The following CFAP54 variants were observed in gnomAD, a reference collection of about 807,000 sequenced individuals.
CFAP54 encodes the protein cilia- and flagella-associated protein 54.
CFAP54 carries 290 observed loss-of-function variants against 370.4 expected under a neutral mutation model. That is an observed-to-expected ratio of 0.78 (90% CI 0.71 to 0.86). The LOEUF (loss-of-function observed/expected upper bound fraction) is 0.86, where lower values mean the gene tolerates loss of function less well. CFAP54 is among the 40% of genes least tolerant of loss of function. The pLI, the probability that CFAP54 is intolerant of heterozygous loss-of-function variation, is 0.00. For synonymous variants in CFAP54, 1,206 were observed against 1,236.5 expected (o/e 0.98, Z 0.52); for missense variants, 3,399 against 3,528.7 (o/e 0.96, Z 0.93).
intron 39 of CFAP54, among the ~76,000 whole-genome samples, chr12:96,671,458 G>A (rs1005008007): frequency 6.6e-5 from 10 of 152,048 alleles, no homozygotes; most frequent in Non-Finnish European, 1.3e-4. Context: ...ATGAGGGCAG[G>A]GATTATTGTT....
At chr12:96,848,205 T>G (rs767339461) in intron 66 of CFAP54, among the ~76,000 whole-genome samples, 5 of 151,938 alleles carry the variant, frequency 3.3e-5, no homozygotes, top group Non-Finnish European at 5.9e-5. Context: ...GCCTCCCGAG[T>G]AGTTGGCATT....
intron 26 of CFAP54, among the ~76,000 whole-genome samples, chr12:96,603,534 A>G (rs1956266512): frequency 6.6e-6 from 1 of 152,216 alleles, no homozygotes; most frequent in African/African-American, 2.4e-5. Flanking sequence ...TCTCCTGGAT[A>G]ATATCCTGCA....
Position 96,786,878 on chromosome 12 carries a change from TTACG to T in CFAP54, c.8661_8664del (p.Arg2888AsnfsTer29). The T allele has an allele frequency of 6.5e-7, 1 of 1,532,508 alleles. No individual in the cohort carries two copies. Among genetic ancestry groups the T allele is most frequent in the East Asian group, 2.4e-5 (1 of 40,874 alleles). 94.9% of individuals were successfully genotyped at this position (1,532,508 alleles called of 1,614,324 possible). ...AAATCCCCCTCTTTCAGAAAAAGACTTACGTGAATCATCTGCCAAGGTAACGTTT... is the reference window on the plus strand; with the variant it reads ...AAATCCCCCTCTTTCAGAAAAAGACTTGAATCATCTGCCAAGGTAACGTTT... On this transcript the variant is annotated frameshift_variant, in exon 62 of 68. Coordinates refer to ENST00000524981, the MANE Select transcript of CFAP54 (RefSeq NM_001306084.2). LOFTEE classifies it high-confidence loss of function.
chr12:96,669,093 C>T (rs1001303649), intron 39 of CFAP54, among the ~76,000 whole-genome samples: 3 of 152,212 alleles, frequency 2.0e-5, no homozygotes, highest in Admixed American at 2.0e-4. Flanking sequence ...ATTACTACTG[C>T]TGCTGCCATA....
chr12:96,867,862 T>C (rs989268144), intron 67 of CFAP54, among the ~76,000 whole-genome samples: 4 of 152,162 alleles, frequency 2.6e-5, no homozygotes, highest in Admixed American at 2.0e-4. Context: ...AACAATGTGT[T>C]GTACGCTCAA....
chr12:96,535,507 G>T lies in CFAP54; in HGVS notation c.1706-8G>T. 6.6e-7 allele frequency: 1 copy of T among 1,521,176 alleles called. No homozygotes were observed. The highest frequency in any genetic ancestry group is 8.8e-7 in the Non-Finnish European group (1 of 1,135,214). 94.2% of individuals were successfully genotyped at this position (1,521,176 alleles called of 1,614,324 possible). A position where few individuals can be genotyped will look rare whatever the true frequency, so the allele number is the denominator to read the frequency against. On this transcript the variant is annotated splice_region_variant and splice_polypyrimidine_tract_variant and intron_variant, in intron 11 of 67. Transcript: ENST00000524981. ...TTTGTTTCATTTTCCTCTACTTTAT[G>T]AACTTAGATACTTGTTTGAAGACTT...
At chr12:96,773,998 A>G (rs1958490206) in intron 60 of CFAP54, among the ~76,000 whole-genome samples, 1 of 152,134 alleles carries the variant, frequency 6.6e-6, no homozygotes, top group Admixed American at 6.5e-5. Context: ...TTTTTTCAAC[A>G]CCCTTGCTGA....
intron 4 of CFAP54, among the ~76,000 whole-genome samples, chr12:96,512,009 C>T (rs1290377304): frequency 6.6e-6 from 1 of 152,046 alleles, no homozygotes; most frequent in Non-Finnish European, 1.5e-5. Context: ...ACCCTCCCTC[C>T]AGCCTTCTAT....
intron 2 of CFAP54, among the ~76,000 whole-genome samples, chr12:96,501,887 T>C (rs879772548): frequency 6.6e-6 from 1 of 152,176 alleles, no homozygotes; most frequent in Non-Finnish European, 1.5e-5. Flanking sequence ...TCTTAGAAAC[T>C]TGAAAATACA....
At chr12:96,751,842 G>A (rs913175254) in intron 55 of CFAP54, among the ~76,000 whole-genome samples, 17 of 151,992 alleles carry the variant, frequency 1.1e-4, no homozygotes, top group East Asian at 3.9e-4. Context: ...CTGAGATGAC[G>A]TGAGTGGCAT....
chr12:96,741,407 C>A (rs1451509927), intron 51 of CFAP54, among the ~76,000 whole-genome samples: 4 of 152,286 alleles, frequency 2.6e-5, no homozygotes, highest in Admixed American at 6.5e-5. Context: ...AGGTTATTCA[C>A]CTGCCTTGGC....
chr12:96,844,470 C>T (rs920281699), intron 66 of CFAP54, among the ~76,000 whole-genome samples: 3 of 152,172 alleles, frequency 2.0e-5, no homozygotes, highest in Non-Finnish European at 4.4e-5. Flanking sequence ...GCCCGGCTGA[C>T]ACCTTGACTT....
At chr12:96,709,749 T>C (rs939925367) in intron 48 of CFAP54, among the ~76,000 whole-genome samples, 1 of 127,316 alleles carries the variant, frequency 7.9e-6, no homozygotes, top group Admixed American at 7.5e-5. Flanking sequence ...CGAGATGGAG[T>C]CTTACTCTGT....
chr12:96,729,346 C>T (rs1474537541), intron 50 of CFAP54, among the ~76,000 whole-genome samples: 1 of 152,248 alleles, frequency 6.6e-6, no homozygotes, highest in Non-Finnish European at 1.5e-5. Context: ...GTTCCAGCTT[C>T]CTGGCTGCTT....
At chr12:96,814,153 G>A (rs1366812224) in intron 64 of CFAP54, among the ~76,000 whole-genome samples, 3 of 152,198 alleles carry the variant, frequency 2.0e-5, no homozygotes, top group Non-Finnish European at 4.4e-5. Context: ...TCAAAGAACG[G>A]TTTATCCTTC....
At chr12:96,664,791 A>ATCTATC (rs1565934564) in intron 39 of CFAP54, among the ~76,000 whole-genome samples, 2 of 15,364 alleles carry the variant, frequency 1.3e-4, no homozygotes, top group Non-Finnish European at 2.8e-4. Context: ...ATATATATAT[A>ATCTATC]TATATATATA....
intron 19 of CFAP54, among the ~76,000 whole-genome samples, chr12:96,572,530 G>T (rs61938138): frequency 3.6e-3 from 548 of 152,226 alleles, no homozygotes; most frequent in Non-Finnish European, 5.7e-3. Context: ...GCTAGAAAAT[G>T]TAGTCATGAT....
At chr12:96,602,319 GAC>G (rs1391712225) in intron 26 of CFAP54, among the ~76,000 whole-genome samples, 1 of 152,216 alleles carries the variant, frequency 6.6e-6, no homozygotes, top group African/African-American at 2.4e-5. Context: ...TGGTCTGAGA[GAC>G]AGTTTGTTGT....
At chr12:96,817,252 C>T (rs1181293783) in intron 64 of CFAP54, among the ~76,000 whole-genome samples, 1 of 152,020 alleles carries the variant, frequency 6.6e-6, no homozygotes, top group Non-Finnish European at 1.5e-5. Context: ...TTTTTATCTG[C>T]ATGTATGACA....
Sources: allele counts gnomAD v4.1 joint callset (sites outside exome capture counted in the v4.1 genomes callset), GRCh38; gene constraint gnomAD v4.1.1; transcripts MANE v1.5; gene names NCBI Gene and HGNC (gene_info 2026-07-23, HGNC 2026-07-21).